The following MACROD2 variants were observed in gnomAD, a reference collection of about 807,000 sequenced individuals.
MACROD2 encodes mono-ADP ribosylhydrolase 2, also known as ADP-ribose glycohydrolase MACROD2.
MACROD2 carries 36 observed loss-of-function variants against 70.4 expected under a neutral mutation model. The ratio of observed to expected loss-of-function variants is 0.51; its 90% confidence interval spans 0.39 to 0.68. The LOEUF (loss-of-function observed/expected upper bound fraction) is 0.68. Ranked by LOEUF, MACROD2 falls within the 30% of genes least tolerant of loss-of-function variation. The pLI is 0.00. For synonymous variants in MACROD2, 172 were observed against 178.8 expected (o/e 0.96, Z 0.30); for missense variants, 496 against 538.4 (o/e 0.92, Z 0.78).
chr20:15,012,517 C>T (rs553382174), intron 5 of MACROD2, among the ~76,000 whole-genome samples: 18 of 152,186 alleles, frequency 1.2e-4, no homozygotes, highest in Admixed American at 7.2e-4. Flanking sequence ...AACAAGAGCC[C>T]GGTAGTTCTT....
intron 10 of MACROD2, 125 bp downstream of exon 10, chr20:15,885,936 T>C: frequency 9.1e-7 from 1 of 1,099,570 alleles, no homozygotes; most frequent in Non-Finnish European, 1.2e-6. Flanking sequence ...TGCTCAGTGT[T>C]ATAAAATTAA....
At chr20:14,151,514 A>G (rs931458659) in intron 3 of MACROD2, among the ~76,000 whole-genome samples, 2 of 152,196 alleles carry the variant, frequency 1.3e-5, no homozygotes, top group Non-Finnish European at 2.9e-5. Context: ...CATTGTTTTC[A>G]TAGACTCAGC....
chr20:14,402,060 A>G (rs1234818806), intron 3 of MACROD2, among the ~76,000 whole-genome samples: 2 of 152,194 alleles, frequency 1.3e-5, no homozygotes, highest in Non-Finnish European at 2.9e-5. Flanking sequence ...CAGAGTATGT[A>G]TTAGCTGTTT....
chr20:14,462,382 T>C (rs1420223232), intron 3 of MACROD2, among the ~76,000 whole-genome samples: 1 of 151,820 alleles, frequency 6.6e-6, no homozygotes, highest in African/African-American at 2.4e-5. Context: ...GATGGGGTTG[T>C]TTGTTTTTTT....
intron 5 of MACROD2, among the ~76,000 whole-genome samples, chr20:14,764,869 A>G (rs907597908): frequency 8.6e-5 from 13 of 151,858 alleles, no homozygotes; most frequent in African/African-American, 1.5e-4. Flanking sequence ...TGAGGTGGAG[A>G]GGGGGATCAG....
chr20:15,934,094 C>G (rs73900833), intron 11 of MACROD2, among the ~76,000 whole-genome samples: 1 of 152,062 alleles, frequency 6.6e-6, no homozygotes, highest in Non-Finnish European at 1.5e-5. Context: ...CCAACATAAC[C>G]AGCAAAAAAA....
At chr20:15,688,950 T>C (rs988445505) in intron 8 of MACROD2, among the ~76,000 whole-genome samples, 1 of 152,232 alleles carries the variant, frequency 6.6e-6, no homozygotes, top group African/African-American at 2.4e-5. Context: ...ATAACAAGTA[T>C]TTATTGCTCA....
At chr20:15,399,346 G>T (rs2045899880) in intron 6 of MACROD2, among the ~76,000 whole-genome samples, 1 of 152,136 alleles carries the variant, frequency 6.6e-6, no homozygotes, top group Non-Finnish European at 1.5e-5. Flanking sequence ...CTCTGCAAAA[G>T]GTGACAGACC....
chr20:15,479,265 CTTTTTTTTTTTTTTTT>C (rs767435610), intron 7 of MACROD2, among the ~76,000 whole-genome samples: 2 of 87,772 alleles, frequency 2.3e-5, no homozygotes, highest in South Asian at 5.0e-4. Context: ...TTCTCGCTCT[CTTTTTTTTTTTTTTTT>C]TTTTTTTTTG....
intron 3 of MACROD2, among the ~76,000 whole-genome samples, chr20:14,287,250 A>G (rs936244118): frequency 6.6e-6 from 1 of 152,192 alleles, no homozygotes; most frequent in South Asian, 2.1e-4. Flanking sequence ...CTTCAATTAG[A>G]TTTTAAAGTT....
intron 5 of MACROD2, among the ~76,000 whole-genome samples, chr20:15,197,539 T>C (rs1251155967): frequency 1.3e-5 from 2 of 152,222 alleles, no homozygotes; most frequent in Non-Finnish European, 2.9e-5. Context: ...CACTAGACAA[T>C]TGAATCTCTG....
chr20:14,624,640 T>C (rs1984028107), intron 4 of MACROD2, among the ~76,000 whole-genome samples: 2 of 152,148 alleles, frequency 1.3e-5, no homozygotes, highest in Admixed American at 6.5e-5. Flanking sequence ...ACATCTGGGA[T>C]TGAACACAGC....
At chr20:15,731,298 T>A (rs1255534366) in intron 8 of MACROD2, among the ~76,000 whole-genome samples, 1 of 58,746 alleles carries the variant, frequency 1.7e-5, no homozygotes, top group African/African-American at 4.7e-5. Context: ...TTCTTTCTCA[T>A]GTGTGTGAGC....
Position 14,999,754 on chromosome 20 carries a change from T to A in MACROD2, c.419-230186T>A, listed in dbSNP as rs1440445324. On this transcript the variant is annotated intron_variant, in intron 5 of 17. Transcript: ENST00000684519. ...TTTGCCTTTTTGTTTTTGCAATCAG[T>A]GTTAAGTTGTCATCAATCTAAAATA... 2.0e-5 allele frequency among the ~76,000 whole-genome samples: 3 copies of A among 152,220 alleles called. No individual in the cohort carries two copies. In the South Asian group the frequency reaches 6.2e-4, roughly 32 times the overall value.
intron 5 of MACROD2, among the ~76,000 whole-genome samples, chr20:14,808,705 A>G (rs1366085215): frequency 6.6e-6 from 1 of 151,932 alleles, no homozygotes; most frequent in Non-Finnish European, 1.5e-5. Context: ...ATGTGCAAAG[A>G]CACACATAGG....
intron 8 of MACROD2, among the ~76,000 whole-genome samples, chr20:15,753,619 T>A (rs983027042): frequency 1.3e-5 from 2 of 152,238 alleles, no homozygotes; most frequent in Admixed American, 6.5e-5. Context: ...TACTTTCTTT[T>A]GGATACATAC....
At chr20:14,942,461 CT>C (rs1380527468) in intron 5 of MACROD2, among the ~76,000 whole-genome samples, 1 of 151,500 alleles carries the variant, frequency 6.6e-6, no homozygotes, top group Non-Finnish European at 1.5e-5. Flanking sequence ...CCTCCTTTTT[CT>C]TCTTCAGATA....
At chr20:15,715,469 ATG>A (rs2050695539) in intron 8 of MACROD2, among the ~76,000 whole-genome samples, 1 of 152,206 alleles carries the variant, frequency 6.6e-6, no homozygotes, top group Non-Finnish European at 1.5e-5. Context: ...ACATCATTTT[ATG>A]TGTGTATGTA....
At chr20:15,624,678 A>G (rs1600682192) in intron 8 of MACROD2, among the ~76,000 whole-genome samples, 3 of 152,318 alleles carry the variant, frequency 2.0e-5, no homozygotes, top group East Asian at 3.9e-4. Context: ...GTGGCAAACA[A>G]TGACAGAGTT....
Sources: gnomAD v4.1 joint callset for allele counts (sites outside exome capture counted in the v4.1 genomes callset) on GRCh38, gnomAD v4.1.1 for gene constraint, MANE v1.5 for transcripts, NCBI Gene and HGNC (gene_info 2026-07-23, HGNC 2026-07-21) for gene names.